The following ENTREP2 variants were observed in gnomAD, a reference collection of about 807,000 sequenced individuals.
ENTREP2 encodes protein ENTREP2.
chr15:29,249,631 C>T, the ENTREP2 span, among the ~76,000 whole-genome samples: 1 of 151,640 alleles, frequency 6.6e-6, no homozygotes, highest in Admixed American at 6.6e-5. Flanking sequence ...AAGGAGCATA[C>T]CTTTTATGTG....
the ENTREP2 span, among the ~76,000 whole-genome samples, chr15:29,547,046 A>T: frequency 1.5e-3 from 235 of 151,982 alleles, 1 homozygote; most frequent in African/African-American, 5.3e-3. Context: ...GGAATTCTGC[A>T]AAGAAAGAAA....
chr15:29,497,413 A>G, the ENTREP2 span, among the ~76,000 whole-genome samples: 5 of 152,122 alleles, frequency 3.3e-5, no homozygotes, highest in African/African-American at 9.7e-5. Flanking sequence ...TCTTTGATAG[A>G]AAGATTTTTG....
the ENTREP2 span, among the ~76,000 whole-genome samples, chr15:29,306,113 T>C: frequency 1.3e-5 from 2 of 152,240 alleles, no homozygotes; most frequent in Non-Finnish European, 2.9e-5. Context: ...AGCGCTGCGA[T>C]ACCCCAGTGG....
chr15:29,445,265 G>A, the ENTREP2 span, among the ~76,000 whole-genome samples: 1 of 152,094 alleles, frequency 6.6e-6, no homozygotes, highest in Non-Finnish European at 1.5e-5. Flanking sequence ...CCTAACACTT[G>A]GAATCTCCAA....
the ENTREP2 span, among the ~76,000 whole-genome samples, chr15:29,363,540 A>G: frequency 6.6e-6 from 1 of 152,216 alleles, no homozygotes; most frequent in African/African-American, 2.4e-5. Context: ...GTAAGATTTT[A>G]AGCTTTCTTA....
the ENTREP2 span, among the ~76,000 whole-genome samples, chr15:29,289,901 A>G: frequency 1.3e-5 from 2 of 152,208 alleles, no homozygotes; most frequent in African/African-American, 2.4e-5. Flanking sequence ...TATTTGTAAT[A>G]GTCACCAAAT....
chr15:29,361,719 A>C, the ENTREP2 span, among the ~76,000 whole-genome samples: 4 of 152,106 alleles, frequency 2.6e-5, no homozygotes, highest in Admixed American at 2.0e-4. Context: ...CGGTGTGCTG[A>C]TGGTGTCCTT....
chr15:29,177,520 T>C, the ENTREP2 span, among the ~76,000 whole-genome samples: 25 of 152,174 alleles, frequency 1.6e-4, no homozygotes, highest in Non-Finnish European at 3.4e-4. Context: ...CTTCCTTTCC[T>C]TCCTCCAGTG....
At chr15:29,410,457 G>C in the ENTREP2 span, among the ~76,000 whole-genome samples, 2 of 151,956 alleles carry the variant, frequency 1.3e-5, no homozygotes, top group African/African-American at 4.8e-5. Flanking sequence ...ACAGAGACTT[G>C]AGGCGACGGG....
chr15:29,620,725 A>G, the ENTREP2 span, among the ~76,000 whole-genome samples: 10,251 of 152,124 alleles, frequency 0.067, 436 homozygotes, highest in East Asian at 0.16. Context: ...AAGTGGGAAG[A>G]AGGAGTTCAT....
chr15:29,172,124 G>A, the ENTREP2 span, among the ~76,000 whole-genome samples: 3 of 152,100 alleles, frequency 2.0e-5, no homozygotes, highest in African/African-American at 4.8e-5. Context: ...AACTAGATTT[G>A]AGCCTGCTTG....
At chr15:29,405,147 G>A in the ENTREP2 span, among the ~76,000 whole-genome samples, 1 of 152,182 alleles carries the variant, frequency 6.6e-6, no homozygotes, top group Admixed American at 6.5e-5. Context: ...CCAGCACTTT[G>A]GGAGGCCGAG....
chr15:29,222,317 A>G, the ENTREP2 span, among the ~76,000 whole-genome samples: 157 of 152,336 alleles, frequency 1.0e-3, 2 homozygotes, highest in East Asian at 0.024. Context: ...AAGAAAAGGC[A>G]TGAATAATCC....
At chr15:29,306,664 ATTTTTTTTTTTTTTTTTTTTTT>A in the ENTREP2 span, among the ~76,000 whole-genome samples, 32 of 77,338 alleles carry the variant, frequency 4.1e-4, no homozygotes, top group South Asian at 5.1e-3. Flanking sequence ...ATAATTGGTA[ATTTTTTTTTTTTTTTTTTTTTT>A]TTTTTTTTTT....
chr15:29,252,430 C>T, the ENTREP2 span: 1 of 1,551,000 alleles, frequency 6.4e-7, no homozygotes, highest in Non-Finnish European at 8.7e-7. Flanking sequence ...ATTGAACCAG[C>T]CAAATTCAGC....
At chr15:29,560,948 T>C in the ENTREP2 span, among the ~76,000 whole-genome samples, 1 of 16,112 alleles carries the variant, frequency 6.2e-5, no homozygotes, top group Non-Finnish European at 1.1e-4. Flanking sequence ...TACCCATTCA[T>C]TTATAAATGG....
chr15:29,489,614 T>A, the ENTREP2 span, among the ~76,000 whole-genome samples: 1 of 152,182 alleles, frequency 6.6e-6, no homozygotes, highest in Admixed American at 6.5e-5. Flanking sequence ...TCTAAACCAA[T>A]AAATAAGAAC....
chr15:29,583,951 G>A, the ENTREP2 span, among the ~76,000 whole-genome samples: 1 of 152,140 alleles, frequency 6.6e-6, no homozygotes, highest in South Asian at 2.1e-4. Context: ...AAATATAGGT[G>A]TACATGTACT....
chr15:29,229,464 C>T, the ENTREP2 span, among the ~76,000 whole-genome samples: 6 of 152,192 alleles, frequency 3.9e-5, no homozygotes, highest in African/African-American at 1.4e-4. Context: ...TGGAAAGAGA[C>T]ATACCAATGT....
Sources: allele counts gnomAD v4.1 joint callset (sites outside exome capture counted in the v4.1 genomes callset), GRCh38; gene constraint gnomAD v4.1.1; transcripts MANE v1.5; gene names NCBI Gene and HGNC (gene_info 2026-07-23, HGNC 2026-07-21).